The following PALLD variants were observed in gnomAD, a reference collection of about 807,000 sequenced individuals.
The protein encoded by PALLD is palladin.
A neutral mutation model predicts 123.5 loss-of-function variants in PALLD; 61 were observed. That is an observed-to-expected ratio of 0.49 (90% CI 0.40 to 0.61). The LOEUF is 0.61. Ranked by LOEUF, PALLD falls within the 20% of genes least tolerant of loss-of-function variation. The probability of loss-of-function intolerance (pLI) is 0.00; values close to 1 mark genes in which losing one functional copy is unlikely to be tolerated. For synonymous variants in PALLD, 465 were observed against 496.4 expected (o/e 0.94, Z 0.84); for missense variants, 1,273 against 1,377.0 (o/e 0.92, Z 1.20).
At chr4:168,626,881 G>A (rs754666693) in intron 2 of PALLD, among the ~76,000 whole-genome samples, 9 of 152,076 alleles carry the variant, frequency 5.9e-5, no homozygotes, top group Non-Finnish European at 8.8e-5. Context: ...TATGATTTGC[G>A]GTGATTAAAG....
intron 10 of PALLD, among the ~76,000 whole-genome samples, chr4:168,880,679 T>G (rs542825868): frequency 1.3e-5 from 2 of 152,352 alleles, no homozygotes; most frequent in South Asian, 4.1e-4. Flanking sequence ...TGCCATGACT[T>G]TGGCATCCTG....
chr4:168,615,147 G>A lies in PALLD; in HGVS notation c.909-53043G>A, dbSNP rs7689394. Among the ~76,000 whole-genome samples, 53 of 136,892 alleles carry A rather than the reference G, an allele frequency of 3.9e-4. 1 individual carries two copies. Among genetic ancestry groups the A allele is most frequent in the Non-Finnish European group, 6.8e-4 (44 of 64,992 alleles). 89.8% of individuals were successfully genotyped at this position (136,892 alleles called of 152,430 possible). A position where few individuals can be genotyped will look rare whatever the true frequency, so the allele number is the denominator to read the frequency against. On this transcript the variant is annotated intron_variant, in intron 2 of 21. Transcript: ENST00000505667. ...TGAGTACTTTTGCCCTCGTTCCTGG[G>A]AAAGATGGTAAGTTAAAAAAAAAAA...
chr4:168,869,451 T>G lies in PALLD; in HGVS notation c.1965-21471T>G, dbSNP rs2151073458. On this transcript the variant is annotated intron_variant, in intron 10 of 21. Coordinates refer to ENST00000505667, the MANE Select transcript of PALLD (RefSeq NM_001166108.2). The surrounding 1 kb of genome is among the most constrained non-coding windows in gnomAD (Gnocchi z 4.5). ...CTTCAAGAAGAAATGGGCATTGAAA[T>G]GGGCACAGAAGGATGAAGACAGTGG... is the stretch of plus-strand genomic sequence containing the variant. Among the ~76,000 whole-genome samples, 1 of 151,966 alleles carries G rather than the reference T, an allele frequency of 6.6e-6. No individual in the cohort carries two copies. The highest frequency in any genetic ancestry group is 1.5e-5 in the Non-Finnish European group (1 of 67,972).
chr4:168,511,543 C>T lies in PALLD; in HGVS notation c.39C>T (p.Ser13=). 1.2e-6 allele frequency: 2 copies of T among 1,613,976 alleles called. No homozygotes were observed. The highest frequency in any genetic ancestry group is 2.2e-5 in the South Asian group (2 of 91,080). Residue 13 remains serine (S), a synonymous_variant, in exon 2 of 22, where the codon TCC becomes TCT. Transcript: ENST00000505667. ...CCTCCCATGAGTCCTTCTATGACTCCCTCTCAGACATGCAGGAAGAAAGCA... is the reference window on the plus strand; with the variant it reads ...CCTCCCATGAGTCCTTCTATGACTCTCTCTCAGACATGCAGGAAGAAAGCA... The part of the protein sequence containing the change: ...GTSSHESFYD[S]LSDMQEESKN...
At chr4:168,549,265 C>CA (rs35293161) in intron 2 of PALLD, among the ~76,000 whole-genome samples, 220 of 145,024 alleles carry the variant, frequency 1.5e-3, no homozygotes, top group Middle Eastern at 7.0e-3. Flanking sequence ...TCACACTTCT[C>CA]AAAAAAAAAA....
chr4:168,765,679 A>G (rs989093342), intron 10 of PALLD, among the ~76,000 whole-genome samples: 1 of 152,252 alleles, frequency 6.6e-6, no homozygotes, highest in Non-Finnish European at 1.5e-5. Context: ...CAGGAGCCAG[A>G]AAGTAGCTTT....
At chr4:168,849,929 A>T (rs938605674) in intron 10 of PALLD, among the ~76,000 whole-genome samples, 1 of 152,128 alleles carries the variant, frequency 6.6e-6, no homozygotes, top group African/African-American at 2.4e-5. Context: ...ATGCCAGGCT[A>T]TATTTATTTT....
rs864622591 is a variant in PALLD, at chr4:168,878,230, A to G, written c.1965-12692A>G. On this transcript the variant is annotated intron_variant, in intron 10 of 21. Coordinates refer to ENST00000505667, the MANE Select transcript of PALLD (RefSeq NM_001166108.2). ...CCGACGTGTTCCCACTGCCGCCGCC[A>G]CCACCGCCGCTCCCGAGCCCGGGAC... The G allele has an allele frequency of 1.4e-6, 2 of 1,382,768 alleles. No individual in the cohort carries two copies. The highest frequency in any genetic ancestry group is 9.4e-7 in the Non-Finnish European group (1 of 1,063,376). The allele number at this position is 1,382,768 out of a possible 1,614,324, so 85.7% of individuals were successfully genotyped here.
chr4:168,655,156 G>T (rs2149939441), intron 2 of PALLD, among the ~76,000 whole-genome samples: 1 of 152,242 alleles, frequency 6.6e-6, no homozygotes, highest in East Asian at 1.9e-4. Flanking sequence ...TCTCTCCTCA[G>T]TGGATACTTC....
rs1277366160 is a variant in PALLD at position 168,682,889 on chromosome 4, C to G, written c.1155-109C>G. ...GCGGATTGCGTATACAAAAAGAAAC[C>G]CAGCTTTTCTGTTGAAACGTTTCAA... On this transcript the variant is annotated intron_variant, in intron 4 of 21. Coordinates refer to ENST00000505667, the MANE Select transcript of PALLD (RefSeq NM_001166108.2). 7 of 682,128 alleles carry G rather than the reference C, an allele frequency of 1.0e-5. No homozygotes were observed. In the Admixed American group the frequency reaches 1.5e-4, roughly 15 times the overall value. 42.3% of individuals were successfully genotyped at this position (682,128 alleles called of 1,614,324 possible). A position where few individuals can be genotyped will look rare whatever the true frequency, so the allele number is the denominator to read the frequency against.
intron 2 of PALLD, chr4:168,598,733 C>T: frequency 2.4e-6 from 1 of 411,440 alleles, no homozygotes; most frequent in South Asian, 1.9e-5. Context: ...CCTATCTGGA[C>T]CTGAGCCTGA....
chr4:168,871,823 T>A (rs983599832), intron 10 of PALLD, among the ~76,000 whole-genome samples: 2 of 152,330 alleles, frequency 1.3e-5, no homozygotes, highest in African/African-American at 2.4e-5. Flanking sequence ...GCAAAGCCTG[T>A]CCCTTATCAT....
At chr4:168,611,527 C>A (rs965620580) in intron 2 of PALLD, among the ~76,000 whole-genome samples, 3 of 152,254 alleles carry the variant, frequency 2.0e-5, no homozygotes, top group South Asian at 2.1e-4. Flanking sequence ...ACCTACAGAT[C>A]GTATCAACTC....
chr4:168,717,752 A>G (rs1393101740), intron 10 of PALLD, among the ~76,000 whole-genome samples: 1 of 152,208 alleles, frequency 6.6e-6, no homozygotes, highest in Non-Finnish European at 1.5e-5. Flanking sequence ...GACATCATTT[A>G]TCTTGTAAAC....
intron 10 of PALLD, among the ~76,000 whole-genome samples, chr4:168,890,629 T>C (rs1213682613): frequency 6.6e-6 from 1 of 152,126 alleles, no homozygotes; most frequent in Non-Finnish European, 1.5e-5. Context: ...TCTTTCACTT[T>C]ATGCTGCCGC....
rs181783050 is a variant in PALLD, at chr4:168,871,813, G to A, written c.1965-19109G>A. ...AGGCACATCACAACTGCAGGCACTGGCAAAGCCTGTCCCTTATCATATGCA... is the reference window on the plus strand; with the variant it reads ...AGGCACATCACAACTGCAGGCACTGACAAAGCCTGTCCCTTATCATATGCA... On this transcript the variant is annotated intron_variant, in intron 10 of 21. Transcript: ENST00000505667. 9.8e-5 allele frequency among the ~76,000 whole-genome samples: 15 copies of A among 152,290 alleles called. No individual in the cohort carries two copies. In the East Asian group the frequency reaches 2.5e-3, roughly 25 times the overall value.
intron 10 of PALLD, among the ~76,000 whole-genome samples, chr4:168,719,922 A>G (rs74768672): frequency 0.081 from 12,385 of 152,182 alleles, 519 homozygotes; most frequent in South Asian, 0.12. Context: ...GTTCCTTTAT[A>G]TGGCTGCATA....
chr4:168,572,039 GC>G (rs1769045764), intron 2 of PALLD, among the ~76,000 whole-genome samples: 1 of 152,042 alleles, frequency 6.6e-6, no homozygotes, highest in Admixed American at 6.6e-5. Flanking sequence ...AATAGGCTTG[GC>G]CCTTGTAATA....
chr4:168,565,560 A>G (rs1472236787), intron 2 of PALLD, among the ~76,000 whole-genome samples: 1 of 152,144 alleles, frequency 6.6e-6, no homozygotes, highest in African/African-American at 2.4e-5. Context: ...AGAGAGGCAC[A>G]TGAGGAGACT....
Sources: gnomAD v4.1 joint callset for allele counts (sites outside exome capture counted in the v4.1 genomes callset) on GRCh38, gnomAD v4.1.1 for gene constraint, Gnocchi (gnomAD v3.1) non-coding constraint, MANE v1.5 for transcripts, NCBI Gene and HGNC (gene_info 2026-07-23, HGNC 2026-07-21) for gene names.